Variants in ETV1 observed in about 807,000 individuals in gnomAD.
ETV1 encodes the protein ETS translocation variant 1.
Under a neutral mutation model 62.3 loss-of-function variants are expected in ETV1, and 27 were observed. The ratio of observed to expected loss-of-function variants is 0.43; its 90% CI spans 0.32 to 0.60. The LOEUF is 0.60. ETV1 is among the 20% of genes least tolerant of loss of function. The pLI is 0.06. For synonymous variants in ETV1, 222 were observed against 199.6 expected (o/e 1.11, Z -0.94); for missense variants, 605 against 605.8 (o/e 1.00, Z 0.01).
At chr7:13,954,442 A>G (rs1004318967) in intron 6 of ETV1, among the ~76,000 whole-genome samples, 1 of 152,160 alleles carries the variant, frequency 6.6e-6, no homozygotes, top group African/African-American at 2.4e-5. Flanking sequence ...CATCTATACA[A>G]CATACTCATG....
chr7:13,971,772 C>T (rs1780925530), intron 6 of ETV1, among the ~76,000 whole-genome samples: 1 of 152,156 alleles, frequency 6.6e-6, no homozygotes, highest in Admixed American at 6.5e-5. Flanking sequence ...TAACACATAA[C>T]TTTGTTACGA....
intron 9 of ETV1, among the ~76,000 whole-genome samples, chr7:13,930,747 T>C (rs982173303): frequency 6.6e-6 from 1 of 152,098 alleles, no homozygotes; most frequent in Non-Finnish European, 1.5e-5. Context: ...CCTCTTAATA[T>C]GTAAGAATTC....
chr7:13,907,869 A>G (rs927631744), intron 11 of ETV1: 5 of 470,140 alleles, frequency 1.1e-5, no homozygotes, highest in Non-Finnish European at 1.8e-5. Flanking sequence ...AAACCAAAAT[A>G]TAAAATGTGT....
chr7:13,938,501 G>A (rs904544840), intron 7 of ETV1, among the ~76,000 whole-genome samples: 5 of 152,110 alleles, frequency 3.3e-5, no homozygotes, highest in African/African-American at 1.2e-4. Flanking sequence ...GCAATTAAAG[G>A]CCAATATGAA....
chr7:13,968,667 G>GT (rs1192780402), intron 6 of ETV1, among the ~76,000 whole-genome samples: 1 of 151,668 alleles, frequency 6.6e-6, no homozygotes, highest in Non-Finnish European at 1.5e-5. Flanking sequence ...CATGAATTAC[G>GT]TTTTTTTCTA....
At chr7:13,966,818 T>C (rs575061666) in intron 6 of ETV1, among the ~76,000 whole-genome samples, 1 of 152,186 alleles carries the variant, frequency 6.6e-6, no homozygotes, top group Non-Finnish European at 1.5e-5. Flanking sequence ...ACTTCATTTA[T>C]CAATTATATG....
intron 9 of ETV1, among the ~76,000 whole-genome samples, chr7:13,922,500 T>G (rs1784961916): frequency 6.6e-6 from 1 of 152,164 alleles, no homozygotes; most frequent in African/African-American, 2.4e-5. Flanking sequence ...TAATCCCAAC[T>G]ACAGTGAGGC....
intron 9 of ETV1, among the ~76,000 whole-genome samples, chr7:13,917,080 A>G (rs1462168522): frequency 6.6e-6 from 1 of 152,148 alleles, no homozygotes; most frequent in Non-Finnish European, 1.5e-5. Context: ...TTTTATCTAC[A>G]CAATTATAAA....
intron 6 of ETV1, among the ~76,000 whole-genome samples, chr7:13,940,680 C>G (rs996807407): frequency 6.6e-6 from 1 of 152,044 alleles, no homozygotes; most frequent in Non-Finnish European, 1.5e-5. Context: ...GAAGATATGA[C>G]AAGAGGAATT....
intron 5 of ETV1, among the ~76,000 whole-genome samples, chr7:13,979,535 A>T (rs987602594): frequency 6.6e-6 from 1 of 152,086 alleles, no homozygotes; most frequent in Non-Finnish European, 1.5e-5. Context: ...ATATCAAAAA[A>T]ATTACAAGTG....
At chr7:13,909,585 C>T (rs2128418248) in intron 11 of ETV1, 47 bp downstream of exon 11, 1 of 1,369,618 alleles carries the variant, frequency 7.3e-7, no homozygotes, top group Non-Finnish European at 1.0e-6. Context: ...AAGGTAATCA[C>T]TCCATCTTTA....
chr7:13,897,963 T>G (rs928353744), intron 13 of ETV1, among the ~76,000 whole-genome samples: 1 of 152,176 alleles, frequency 6.6e-6, no homozygotes, highest in Non-Finnish European at 1.5e-5. Flanking sequence ...TACTTAAAAA[T>G]TATGTAATAA....
At chr7:13,949,409 G>T (rs1788540307) in intron 6 of ETV1, among the ~76,000 whole-genome samples, 1 of 152,044 alleles carries the variant, frequency 6.6e-6, no homozygotes, top group African/African-American at 2.4e-5. Context: ...GAAGCAAAGG[G>T]GAAGGCTTGA....
intron 9 of ETV1, among the ~76,000 whole-genome samples, chr7:13,929,173 A>G (rs896232466): frequency 6.6e-6 from 1 of 152,202 alleles, no homozygotes; most frequent in African/African-American, 2.4e-5. Context: ...ATAAATGTGT[A>G]CTATTTATAA....
chr7:13,978,919 C>A (rs1398414256), intron 5 of ETV1, among the ~76,000 whole-genome samples: 4 of 151,952 alleles, frequency 2.6e-5, no homozygotes, highest in Non-Finnish European at 5.9e-5. Context: ...TTCTGTACAC[C>A]AATAATTAAC....
At chr7:13,967,747 C>T (rs954879224) in intron 6 of ETV1, among the ~76,000 whole-genome samples, 11 of 151,564 alleles carry the variant, frequency 7.3e-5, no homozygotes, top group African/African-American at 2.2e-4. Context: ...ACTAAGCATA[C>T]AATTACGATG....
chr7:13,969,149 G>A (rs1780612324), intron 6 of ETV1, among the ~76,000 whole-genome samples: 1 of 152,078 alleles, frequency 6.6e-6, no homozygotes, highest in East Asian at 1.9e-4. Context: ...CAATGCCTTG[G>A]CTCTCTCTAA....
chr7:13,962,544 C>T (rs1363987337), intron 6 of ETV1, among the ~76,000 whole-genome samples: 1 of 152,124 alleles, frequency 6.6e-6, no homozygotes, highest in Non-Finnish European at 1.5e-5. Context: ...AGCACATTAG[C>T]AAATGTTCCT....
At chr7:13,912,442 ATTTAC>A (rs200628175) in intron 9 of ETV1, among the ~76,000 whole-genome samples, 3,852 of 152,268 alleles carry the variant, frequency 0.025, 71 homozygotes, top group Middle Eastern at 0.078. Flanking sequence ...TTATTGCTAT[ATTTAC>A]TTTATAACAT....
Sources: gnomAD v4.1 joint callset for allele counts (sites outside exome capture counted in the v4.1 genomes callset) on GRCh38, gnomAD v4.1.1 for gene constraint, MANE v1.5 for transcripts, NCBI Gene and HGNC (gene_info 2026-07-23, HGNC 2026-07-21) for gene names.